The following FAM118B variants were observed in gnomAD, a reference collection of about 807,000 sequenced individuals.
The protein encoded by FAM118B is protein FAM118B.
A neutral mutation model predicts 38.5 loss-of-function variants in FAM118B; 24 were observed. The observed-to-expected ratio is 0.62, with a 90% CI of 0.45 to 0.88. The LOEUF (loss-of-function observed/expected upper bound fraction) is 0.88, where lower values mean the gene tolerates loss of function less well. Ranked by LOEUF, FAM118B falls within the 40% of genes least tolerant of loss-of-function variation. The pLI is 0.00. For synonymous variants in FAM118B, 138 were observed against 156.3 expected (o/e 0.88, Z 0.87); for missense variants, 334 against 420.0 (o/e 0.80, Z 1.79).
chr11:126,251,274 C>A (rs572401699), intron 5 of FAM118B, among the ~76,000 whole-genome samples: 95 of 152,302 alleles, frequency 6.2e-4, no homozygotes, highest in African/African-American at 2.2e-3. Flanking sequence ...GAGATGAGTT[C>A]TTAAAGTCTC....
At chr11:126,225,827 A>G (rs981109857) in intron 1 of FAM118B, among the ~76,000 whole-genome samples, 6 of 152,218 alleles carry the variant, frequency 3.9e-5, no homozygotes, top group African/African-American at 1.4e-4. Flanking sequence ...TAAAAATACA[A>G]AAATTAGCTG....
chr11:126,246,195 T>G (rs544012470), intron 4 of FAM118B, among the ~76,000 whole-genome samples: 165 of 152,166 alleles, frequency 1.1e-3, no homozygotes, highest in Non-Finnish European at 1.5e-3. Flanking sequence ...ATAGAAGTAT[T>G]GCGATTATGT....
At chr11:126,221,806 T>A (rs1359772567) in intron 1 of FAM118B, among the ~76,000 whole-genome samples, 4 of 152,004 alleles carry the variant, frequency 2.6e-5, no homozygotes, top group Non-Finnish European at 5.9e-5. Flanking sequence ...CAAGATGGAC[T>A]TCAGTGTTGG....
At chr11:126,254,844 T>C (rs569342390) in intron 6 of FAM118B, among the ~76,000 whole-genome samples, 1 of 152,168 alleles carries the variant, frequency 6.6e-6, no homozygotes, top group African/African-American at 2.4e-5. Flanking sequence ...AGAAAGAAAC[T>C]GGAAAGTCAG....
intron 4 of FAM118B, among the ~76,000 whole-genome samples, chr11:126,248,832 G>A (rs768090683): frequency 1.3e-4 from 20 of 152,148 alleles, no homozygotes; most frequent in Admixed American, 2.0e-4. Context: ...ACACATGAAC[G>A]TTAGGGGACC....
In FAM118B at chr11:126,262,313, C is replaced by T; in HGVS notation, c.*180C>T. 3 of 497,494 alleles carry T rather than the reference C, an allele frequency of 6.0e-6. No individual in the cohort carries two copies. The highest frequency in any genetic ancestry group is 2.0e-5 in the African/African-American group (1 of 49,550). The allele number at this position is 497,494 out of a possible 1,614,324, so 30.8% of individuals were successfully genotyped here. On this transcript the variant is annotated 3_prime_UTR_variant, in exon 9 of 9. Coordinates refer to ENST00000533050, the MANE Select transcript of FAM118B (RefSeq NM_024556.4). ...GCGTAATCCTTCATACCACCTGGTT[C>T]TTGATATTCTGCCGCCTGTTCAAGT...
intron 1 of FAM118B, chr11:126,214,566 G>T: frequency 7.8e-6 from 1 of 129,026 alleles, no homozygotes; most frequent in African/African-American, 2.9e-5. Flanking sequence ...CATTCAGCTG[G>T]TCCTTTTTTA....
chr11:126,232,767 T>G (rs1019209984), intron 2 of FAM118B, among the ~76,000 whole-genome samples: 1 of 151,926 alleles, frequency 6.6e-6, no homozygotes, highest in Non-Finnish European at 1.5e-5. Context: ...AAAATATATA[T>G]CCCCAAACTA....
intron 1 of FAM118B, among the ~76,000 whole-genome samples, chr11:126,222,010 G>A (rs1002148752): frequency 6.6e-6 from 1 of 152,160 alleles, no homozygotes; most frequent in African/African-American, 2.4e-5. Context: ...TTCTCCAAAG[G>A]TGTAGACTTG....
At chr11:126,241,209 A>T (rs1950353985) in intron 4 of FAM118B, 165 bp downstream of exon 4, 3 of 677,596 alleles carry the variant, frequency 4.4e-6, no homozygotes. Context: ...ATGTCTGTTT[A>T]TGGACCCTAC....
intron 2 of FAM118B, among the ~76,000 whole-genome samples, chr11:126,231,428 C>G (rs1950205530): frequency 6.6e-6 from 1 of 151,790 alleles, no homozygotes; most frequent in African/African-American, 2.4e-5. Flanking sequence ...TTCCTGAAAA[C>G]AGTACTCTAG....
rs928006965 is a variant in FAM118B at position 126,256,796 on chromosome 11, A to G, written c.926A>G (p.Asp309Gly). The G allele has an allele frequency of 1.4e-5, 22 of 1,612,906 alleles. No homozygotes were observed. Among genetic ancestry groups the G allele is most frequent in the Non-Finnish European group, 1.9e-5 (22 of 1,179,348 alleles). The change falls in exon 7 of 9, where the codon GAT (aspartate) becomes GGT (glycine). Residue 309 changes from aspartate to glycine, a missense_variant. Physicochemically the swap from Asp to Gly is moderately conservative, Grantham distance 94 (BLOSUM62 -1). Coordinates refer to ENST00000533050, the MANE Select transcript of FAM118B (RefSeq NM_024556.4). This position sits in a 1 kb window ranked among gnomAD's most constrained non-coding sequence, Gnocchi z 6.6. The stretch of plus-strand genomic sequence containing the variant: ...ATCTCCTATGGAGATGACTATGCCG[A>G]TCTTCCAGAATATTTCAAGCGACTG... Reference protein sequence around the residue: ...KVISYGDDYADLPEYFKRLTC... With the variant: ...KVISYGDDYAGLPEYFKRLTC...
intron 2 of FAM118B, 52 bp from the exon 3 acceptor site, chr11:126,234,943 A>G: frequency 1.4e-6 from 2 of 1,416,600 alleles, no homozygotes; most frequent in Middle Eastern, 1.8e-4. Flanking sequence ...GCTATTTTGA[A>G]TAGTATACTT....
chr11:126,226,800 G>A (rs114212888), intron 1 of FAM118B, among the ~76,000 whole-genome samples: 4,829 of 151,980 alleles, frequency 0.032, 235 homozygotes, highest in African/African-American at 0.11. Flanking sequence ...GGACAACATG[G>A]TGAAACCCCG....
chr11:126,247,848 A>T (rs1242262720), intron 4 of FAM118B, among the ~76,000 whole-genome samples: 1 of 138,468 alleles, frequency 7.2e-6, no homozygotes, highest in Non-Finnish European at 1.5e-5. Flanking sequence ...ACAGATCGAG[A>T]CTCCATCTCA....
chr11:126,233,652 C>T (rs2135153561), intron 2 of FAM118B: 1 of 441,290 alleles, frequency 2.3e-6, no homozygotes, highest in East Asian at 7.0e-5. Flanking sequence ...ACTACTGTGA[C>T]TGTATTATTT....
chr11:126,256,762 A>C lies in FAM118B; in HGVS notation c.892A>C (p.Ile298Leu), dbSNP rs1007318965. The C allele has an allele frequency of 9.9e-6, 16 of 1,614,000 alleles. No homozygotes were observed. Among genetic ancestry groups the C allele is most frequent in the African/African-American group, 1.3e-5 (1 of 74,918 alleles). ...TCGAGAAAACATGCTGGACAAGGGG[A>C]TTAAAGTCATCTCCTATGGAGATGA... ...KLRENMLDKG[I>L]KVISYGDDYA... Residue 298 changes from isoleucine to leucine, a missense_variant, in exon 7 of 9, where the codon ATT becomes CTT. Coordinates refer to ENST00000533050, the MANE Select transcript of FAM118B (RefSeq NM_024556.4). This position sits in a 1 kb window ranked among gnomAD's most constrained non-coding sequence, Gnocchi z 6.6.
chr11:126,250,340 C>T lies in FAM118B; in HGVS notation c.340-166C>T, dbSNP rs1174445591. On this transcript the variant is annotated intron_variant, in intron 4 of 8. Transcript: ENST00000533050. This position sits in a 1 kb window ranked among gnomAD's most constrained non-coding sequence, Gnocchi z 5.1. The stretch of plus-strand genomic sequence containing the variant: ...TCTCCTGACCTCGTGATCCGCCCGC[C>T]TCGGTCTCCCAAAGTGCTGGGATTA... 1.3e-5 allele frequency among the ~76,000 whole-genome samples: 2 copies of T among 152,188 alleles called. No homozygotes were observed. Among genetic ancestry groups the T allele is most frequent in the South Asian group, 2.1e-4 (1 of 4,830 alleles).
rs975538971 is a variant in FAM118B at position 126,211,859 on chromosome 11, C to A, written c.-77+29C>A. On this transcript the variant is annotated intron_variant, in intron 1 of 8. Transcript: ENST00000533050. ...AGTGTGTAGGGAAGCCGGGCTGGGGCTGGGAAATGCCGGTGCCTCAACGGT... is the reference window on the plus strand; with the variant it reads ...AGTGTGTAGGGAAGCCGGGCTGGGGATGGGAAATGCCGGTGCCTCAACGGT... 9.0e-6 allele frequency: 5 copies of A among 554,196 alleles called. No homozygotes were observed. In the South Asian group the frequency reaches 1.2e-4, roughly 13 times the overall value. 34.3% of individuals were successfully genotyped at this position (554,196 alleles called of 1,614,324 possible).
Sources: allele counts gnomAD v4.1 joint callset (sites outside exome capture counted in the v4.1 genomes callset), GRCh38; gene constraint gnomAD v4.1.1; non-coding constraint Gnocchi (gnomAD v3.1); transcripts MANE v1.5; gene names NCBI Gene and HGNC (gene_info 2026-07-23, HGNC 2026-07-21).